CREB3L2: variants seen among roughly 807,000 people sequenced by gnomAD.
CREB3L2 encodes the protein cAMP responsive element binding protein 3 like 2.
In CREB3L2, 23 loss-of-function variants were observed where a neutral mutation model predicts 57.2. The observed-to-expected ratio is 0.40, with a 90% confidence interval of 0.29 to 0.57. The LOEUF is 0.57. Among genes scored for constraint, CREB3L2 ranks in the 20% least tolerant of loss-of-function variants. The pLI is 0.42. For synonymous variants in CREB3L2, 268 were observed against 265.1 expected, an observed-to-expected ratio of 1.01 and a Z score of -0.11; for missense variants, 628 against 634.7, an observed-to-expected ratio of 0.99 and a Z score of 0.11.
rs577441471 is a variant in CREB3L2, at chr7:137,935,166, C to G, written c.103-6800G>C. On this transcript the variant is annotated intron_variant, in intron 1 of 11. Coordinates refer to ENST00000330387, the MANE Select transcript of CREB3L2 (RefSeq NM_194071.4). The stretch of plus-strand genomic sequence containing the variant: ...TTTATGAGGTTAACAATAATGCCGG[C>G]AAAGTGAAGTTAACAATAGTTCCGG... Among the ~76,000 whole-genome samples, 4 of 152,278 alleles carry G rather than the reference C, an allele frequency of 2.6e-5. 1 individual carries two copies. Among genetic ancestry groups the G allele is most frequent in the African/African-American group, 9.6e-5 (4 of 41,552 alleles).
At chr7:137,945,542 C>T (rs1800957377) in intron 1 of CREB3L2, among the ~76,000 whole-genome samples, 1 of 152,164 alleles carries the variant, frequency 6.6e-6, no homozygotes, top group Non-Finnish European at 1.5e-5. Flanking sequence ...ACAAACTAAC[C>T]CATTGGTAGG....
At chr7:137,982,671 G>T (rs2117316688) in intron 1 of CREB3L2, among the ~76,000 whole-genome samples, 1 of 152,246 alleles carries the variant, frequency 6.6e-6, no homozygotes, top group Non-Finnish European at 1.5e-5. Flanking sequence ...CAGCCACGTG[G>T]AACTGTGAGT....
At chr7:137,955,454 G>C (rs1017812612) in intron 1 of CREB3L2, 1 of 448,410 alleles carries the variant, frequency 2.2e-6, no homozygotes, top group Non-Finnish European at 4.2e-6. Flanking sequence ...GTCCGGTTCA[G>C]AAATACTCAT....
intron 8 of CREB3L2, among the ~76,000 whole-genome samples, chr7:137,885,953 C>T (rs534806078): frequency 6.6e-6 from 1 of 152,298 alleles, no homozygotes; most frequent in Admixed American, 6.5e-5. Flanking sequence ...AAATGGAGCC[C>T]TCATTGATGG....
At chr7:137,955,066 C>T (rs1801181040) in intron 1 of CREB3L2, among the ~76,000 whole-genome samples, 1 of 152,160 alleles carries the variant, frequency 6.6e-6, no homozygotes, top group African/African-American at 2.4e-5. Context: ...CCACGTTAAC[C>T]TACATTTAAA....
At chr7:137,925,885 T>C (rs1411163765) in intron 2 of CREB3L2, among the ~76,000 whole-genome samples, 1 of 152,196 alleles carries the variant, frequency 6.6e-6, no homozygotes, top group East Asian at 1.9e-4. Context: ...GAACTGTGGA[T>C]CAGAAACCCT....
chr7:137,882,703 T>C, intron 10 of CREB3L2, 75 bp from the exon 11 acceptor site: 1 of 1,022,408 alleles, frequency 9.8e-7, no homozygotes. Context: ...CTCCAGGTGC[T>C]CAGGGCTGGT....
chr7:138,001,867 G>A lies in CREB3L2; in HGVS notation c.-162C>T, dbSNP rs924790652. The A allele has an allele frequency of 2.0e-6, 1 of 505,788 alleles. No homozygotes were observed. The highest frequency in any genetic ancestry group is 3.5e-6 in the Non-Finnish European group (1 of 288,136). 31.3% of individuals were successfully genotyped at this position (505,788 alleles called of 1,614,324 possible). ...AAAGCAAACGTCTGCTCCTCTGCCG[G>A]AGAGAGGATGGCCAAGCGCTCCCGT... On this transcript the variant is annotated 5_prime_UTR_variant, in exon 1 of 12. Coordinates refer to ENST00000330387, the MANE Select transcript of CREB3L2 (RefSeq NM_194071.4). The surrounding 1 kb of genome is among the most constrained non-coding windows in gnomAD (Gnocchi z 4.2).
In CREB3L2 at chr7:137,940,477, A is replaced by C. The variant is rs557979514; in HGVS notation, c.103-12111T>G. Among the ~76,000 whole-genome samples, 24 of 152,316 alleles carry C rather than the reference A, an allele frequency of 1.6e-4. No homozygotes were observed. In the East Asian group the frequency reaches 4.4e-3, roughly 28 times the overall value. On this transcript the variant is annotated intron_variant, in intron 1 of 11. Transcript: ENST00000330387. ...GGATATCATCTGGCCTGACCTGGTC[A>C]CTCTAATTTGAGAAAACTGAGGTCC...
chr7:137,943,661 C>T (rs1370240906), intron 1 of CREB3L2, among the ~76,000 whole-genome samples: 1 of 152,172 alleles, frequency 6.6e-6, no homozygotes, highest in Non-Finnish European at 1.5e-5. Flanking sequence ...GCCATAGTTT[C>T]ATGTTTTCTG....
At position 137,935,546 on chromosome 7, in the gene CREB3L2, G is replaced by A. The variant is rs563108265; in HGVS notation, c.103-7180C>T. On this transcript the variant is annotated intron_variant, in intron 1 of 11. Coordinates refer to ENST00000330387, the MANE Select transcript of CREB3L2 (RefSeq NM_194071.4). ...TCTTTGATGTTCCTTTCATTGCCAA[G>A]TTACTTAAATATCTTATCACTAGGC... is the stretch of plus-strand genomic sequence containing the variant. 7.6e-4 allele frequency among the ~76,000 whole-genome samples: 115 copies of A among 152,162 alleles called. 1 individual carries two copies. Among genetic ancestry groups the A allele is most frequent in the African/African-American group, 2.7e-3 (112 of 41,496 alleles).
Position 137,970,887 on chromosome 7 carries a change from C to T in CREB3L2, c.102+30717G>A, listed in dbSNP as rs76541489. On this transcript the variant is annotated intron_variant, in intron 1 of 11. Coordinates refer to ENST00000330387, the MANE Select transcript of CREB3L2 (RefSeq NM_194071.4). The stretch of plus-strand genomic sequence containing the variant: ...ACAGATTTCTCCTCCAGCTATTTCT[C>T]CAGCTTACAGAAGAAGTGTTTATGC... Among the ~76,000 whole-genome samples, 1,021 of 152,320 alleles carry T rather than the reference C, an allele frequency of 6.7e-3. 5 individuals are homozygous for T. The highest frequency in any genetic ancestry group is 0.024 in the African/African-American group (982 of 41,568).
At chr7:137,959,818 T>C (rs1380708340) in intron 1 of CREB3L2, among the ~76,000 whole-genome samples, 1 of 152,218 alleles carries the variant, frequency 6.6e-6, no homozygotes, top group Non-Finnish European at 1.5e-5. Context: ...GTACGTGCAA[T>C]ATTTAGAAAA....
intron 11 of CREB3L2, among the ~76,000 whole-genome samples, chr7:137,881,430 C>T (rs376916390): frequency 6.6e-6 from 1 of 152,070 alleles, no homozygotes; most frequent in African/African-American, 2.4e-5. Flanking sequence ...GCAAATATTC[C>T]AAAATCTGAA....
At chr7:138,000,639 G>T (rs1236978346) in intron 1 of CREB3L2, among the ~76,000 whole-genome samples, 1 of 152,068 alleles carries the variant, frequency 6.6e-6, no homozygotes, top group Admixed American at 6.5e-5. Flanking sequence ...GCGTGAAGGG[G>T]AAGCAGCCAA....
rs572462027 is a variant in CREB3L2, at chr7:137,903,061, C to T, written c.974+898G>A. ...CTCCTGAGCTCAAGCAATCCTCTCA[C>T]CTTGGCCTCCCAAAGCACGGGGATT... is the stretch of plus-strand genomic sequence containing the variant. On this transcript the variant is annotated intron_variant, in intron 7 of 11. Transcript: ENST00000330387. Among the ~76,000 whole-genome samples, 19 of 152,318 alleles carry T rather than the reference C, an allele frequency of 1.2e-4. No homozygotes were observed. The South Asian group carries it at 3.3e-3, about 27-fold the overall frequency.
chr7:137,893,163 G>T (rs906167483), intron 8 of CREB3L2, among the ~76,000 whole-genome samples: 5 of 152,076 alleles, frequency 3.3e-5, no homozygotes, highest in African/African-American at 1.2e-4. Flanking sequence ...GGAACCAGAG[G>T]GCATTTCTGA....
intron 6 of CREB3L2, among the ~76,000 whole-genome samples, chr7:137,904,525 G>A (rs948555535): frequency 2.6e-5 from 4 of 152,156 alleles, no homozygotes; most frequent in East Asian, 1.9e-4. Context: ...TTAGCTGGGC[G>A]CGGTGGTGCA....
intron 6 of CREB3L2, 151 bp from the exon 7 acceptor site, chr7:137,904,168 G>T: frequency 1.5e-6 from 1 of 674,846 alleles, no homozygotes; most frequent in Non-Finnish European, 2.6e-6. Context: ...TCATTGACTA[G>T]TCTGTCCTCC....
Sources: gnomAD v4.1 joint callset for allele counts (sites outside exome capture counted in the v4.1 genomes callset) on GRCh38, gnomAD v4.1.1 for gene constraint, Gnocchi (gnomAD v3.1) non-coding constraint, MANE v1.5 for transcripts, NCBI Gene and HGNC (gene_info 2026-07-23, HGNC 2026-07-21) for gene names.